PRKCZ: variants seen among roughly 807,000 people sequenced by gnomAD.
The protein encoded by PRKCZ is protein kinase C zeta type.
Under a neutral mutation model 79.5 loss-of-function variants are expected in PRKCZ, and 33 were observed. That is an observed-to-expected ratio of 0.41 (90% CI 0.31 to 0.55). The LOEUF (loss-of-function observed/expected upper bound fraction) is 0.55. Ranked by LOEUF, PRKCZ falls within the 20% of genes least tolerant of loss-of-function variation. PRKCZ has a pLI of 0.19. For missense variants in PRKCZ, 578 were observed against 813.5 expected (o/e 0.71, Z 3.52); for synonymous variants, 342 against 320.9 (o/e 1.07, Z -0.70).
At chr1:2,064,575 C>T (rs1023255191) in intron 4 of PRKCZ, among the ~76,000 whole-genome samples, 17 of 152,248 alleles carry the variant, frequency 1.1e-4, no homozygotes, top group Non-Finnish European at 2.9e-5. Flanking sequence ...AACTTCATTC[C>T]TTTGCATGTG....
intron 7 of PRKCZ, among the ~76,000 whole-genome samples, chr1:2,148,272 C>T (rs1361576655): frequency 6.6e-6 from 1 of 152,086 alleles, no homozygotes; most frequent in East Asian, 1.9e-4. Flanking sequence ...CTCCATCTAT[C>T]CATCTATTGT....
chr1:2,087,108 A>T (rs1481671554), intron 4 of PRKCZ, among the ~76,000 whole-genome samples: 1 of 151,818 alleles, frequency 6.6e-6, no homozygotes, highest in Non-Finnish European at 1.5e-5. Context: ...TTTGAGACAG[A>T]ATCTTGCTCT....
chr1:2,088,982 T>C (rs1665013744), intron 4 of PRKCZ, among the ~76,000 whole-genome samples: 1 of 152,258 alleles, frequency 6.6e-6, no homozygotes, highest in Admixed American at 6.5e-5. Flanking sequence ...TTTAATTTCA[T>C]TCTGGTCTTC....
chr1:2,181,862 T>C (rs1003160949), intron 16 of PRKCZ: 1 of 456,466 alleles, frequency 2.2e-6, no homozygotes, highest in South Asian at 1.5e-5. Context: ...AAGTAACTGA[T>C]GAATGAAGGG....
intron 10 of PRKCZ, among the ~76,000 whole-genome samples, chr1:2,159,130 G>GT (rs1447005714): frequency 6.6e-6 from 1 of 152,196 alleles, no homozygotes; most frequent in Non-Finnish European, 1.5e-5. Flanking sequence ...TGAGCTCCGG[G>GT]TTGGGGGGAG....
Position 2,123,768 on chromosome 1 carries a change from T to C in PRKCZ, c.335-11494T>C, listed in dbSNP as rs866019099. 3.0e-4 allele frequency among the ~76,000 whole-genome samples: 5 copies of C among 16,698 alleles called. 1 individual carries two copies. Among genetic ancestry groups the C allele is most frequent in the Middle Eastern group, 0.026 (1 of 38 alleles). The allele number at this position is 16,698 out of a possible 152,430, so 11.0% of individuals were successfully genotyped here. ...GTCACGGTGGTAGTTAGGGTCACGG[T>C]GGTGGTTAGGGTCGTGGCGGTGGTT... On this transcript the variant is annotated intron_variant, in intron 4 of 17. Coordinates refer to ENST00000378567, the MANE Select transcript of PRKCZ (RefSeq NM_002744.6).
chr1:2,089,429 C>T (rs1453037501), intron 4 of PRKCZ, among the ~76,000 whole-genome samples: 1 of 152,150 alleles, frequency 6.6e-6, no homozygotes, highest in African/African-American at 2.4e-5. Context: ...GAGGAGGCAC[C>T]ACGAGGGGTG....
intron 1 of PRKCZ, among the ~76,000 whole-genome samples, chr1:2,054,219 C>T (rs1415771821): frequency 4.6e-5 from 7 of 152,342 alleles, no homozygotes; most frequent in South Asian, 2.1e-4. Context: ...TGGGACATCT[C>T]ACACCCCTTC....
At chr1:2,074,366 C>G (rs28694018) in intron 4 of PRKCZ, 181,758 of 1,512,430 alleles carry the variant, frequency 0.12, 11,679 homozygotes, top group South Asian at 0.18. Flanking sequence ...GCTCGTCTGC[C>G]TGCCTGGCCC....
chr1:2,070,860 C>T (rs1661514942), intron 4 of PRKCZ, among the ~76,000 whole-genome samples: 1 of 152,020 alleles, frequency 6.6e-6, no homozygotes, highest in Admixed American at 6.5e-5. Flanking sequence ...CCGGGGCCTT[C>T]TGGCTGTAGT....
chr1:2,179,465 C>CT (rs959730981), intron 16 of PRKCZ, among the ~76,000 whole-genome samples: 4 of 152,226 alleles, frequency 2.6e-5, no homozygotes, highest in Admixed American at 1.3e-4. Context: ...GTGCTAGTGA[C>CT]TATCAGGAGT....
intron 4 of PRKCZ, among the ~76,000 whole-genome samples, chr1:2,114,159 C>T (rs1275141243): frequency 1.0e-5 from 1 of 96,994 alleles, no homozygotes; most frequent in African/African-American, 4.0e-5. Flanking sequence ...CAGCTTTTCT[C>T]CAGGAGGACG....
chr1:2,110,812 G>A (rs1669588621), intron 4 of PRKCZ, among the ~76,000 whole-genome samples: 1 of 151,932 alleles, frequency 6.6e-6, no homozygotes, highest in Non-Finnish European at 1.5e-5. Flanking sequence ...CCCTGTGGGG[G>A]GCAGGGCTGG....
At position 2,178,634 on chromosome 1, in the gene PRKCZ, G is replaced by A. The variant is rs1192686467; in HGVS notation, c.1575+3321G>A. Among the ~76,000 whole-genome samples the A allele has an allele frequency of 6.6e-6, 1 of 152,128 alleles. No individual in the cohort carries two copies. The highest frequency in any genetic ancestry group is 6.5e-5 in the Admixed American group (1 of 15,278). On this transcript the variant is annotated intron_variant, in intron 16 of 17. Coordinates refer to ENST00000378567, the MANE Select transcript of PRKCZ (RefSeq NM_002744.6). This position sits in a 1 kb window ranked among gnomAD's most constrained non-coding sequence, Gnocchi z 4.3. ...TGGTCTCAGTCTAGCCTTTCAGGGGGGCCACCTGTTCCTGCAGCGGCTGCT... is the reference window on the plus strand; with the variant it reads ...TGGTCTCAGTCTAGCCTTTCAGGGGAGCCACCTGTTCCTGCAGCGGCTGCT...
chr1:2,139,356 G>A (rs1676856569), intron 5 of PRKCZ, among the ~76,000 whole-genome samples: 2 of 152,198 alleles, frequency 1.3e-5, no homozygotes, highest in Admixed American at 6.5e-5. Flanking sequence ...TTGGGAGGCC[G>A]AGGTGGGTGG....
At chr1:2,176,716 CT>C in intron 16 of PRKCZ, among the ~76,000 whole-genome samples, 1 of 152,334 alleles carries the variant, frequency 6.6e-6, no homozygotes, top group East Asian at 1.9e-4. Context: ...TCCCTGGCCC[CT>C]GTGGTCAGTG....
In PRKCZ at chr1:2,178,406, G is replaced by A. The variant is rs542973851; in HGVS notation, c.1575+3093G>A. On this transcript the variant is annotated intron_variant, in intron 16 of 17. Coordinates refer to ENST00000378567, the MANE Select transcript of PRKCZ (RefSeq NM_002744.6). This position sits in a 1 kb window ranked among gnomAD's most constrained non-coding sequence, Gnocchi z 4.3. ...GAACCCCACCCACTGCGTCCACTGC[G>A]TGGAGACTGCACCTCTGCATCCGTC... 1.2e-4 allele frequency among the ~76,000 whole-genome samples: 18 copies of A among 152,340 alleles called. No homozygotes were observed. The highest frequency in any genetic ancestry group is 4.1e-4 in the South Asian group (2 of 4,832).
In PRKCZ at chr1:2,168,466, C is replaced by CA; in HGVS notation, c.975-1051dup. On this transcript the variant is annotated intron_variant, in intron 10 of 17. Coordinates refer to ENST00000378567, the MANE Select transcript of PRKCZ (RefSeq NM_002744.6). The surrounding 1 kb of genome is among the most constrained non-coding windows in gnomAD (Gnocchi z 4.7). ...CCGACTGGCCACGTGGACGTCTCTC[C>CA]AGCTCCTCACTTGGGGCCCAGGGCT... Among the ~76,000 whole-genome samples, 4 of 152,326 alleles carry CA rather than the reference C, an allele frequency of 2.6e-5. 1 individual carries two copies. The South Asian group carries it at 8.3e-4, about 32-fold the overall frequency.
At chr1:2,051,699 G>T (rs1240238201) in intron 1 of PRKCZ, among the ~76,000 whole-genome samples, 1 of 152,166 alleles carries the variant, frequency 6.6e-6, no homozygotes. Flanking sequence ...ACTTCCCCGG[G>T]CCACGTCCTC....
Sources: gnomAD v4.1 joint callset for allele counts (sites outside exome capture counted in the v4.1 genomes callset) on GRCh38, gnomAD v4.1.1 for gene constraint, Gnocchi (gnomAD v3.1) non-coding constraint, MANE v1.5 for transcripts, NCBI Gene and HGNC (gene_info 2026-07-23, HGNC 2026-07-21) for gene names.